CDC42BPA: variants seen among roughly 807,000 people sequenced by gnomAD.
CDC42BPA encodes the protein serine/threonine-protein kinase MRCK alpha.
Under a neutral mutation model 223.5 loss-of-function variants are expected in CDC42BPA, and 80 were observed. The ratio of observed to expected loss-of-function variants is 0.36; its 90% confidence interval spans 0.30 to 0.43. The LOEUF (loss-of-function observed/expected upper bound fraction) is 0.43, where lower values mean the gene tolerates loss of function less well. Ranked by LOEUF, CDC42BPA falls within the 20% of genes least tolerant of loss-of-function variation. The pLI, the probability that CDC42BPA is intolerant of heterozygous loss-of-function variation, is 1.00. For synonymous variants in CDC42BPA, 694 were observed against 718.6 expected, an observed-to-expected ratio of 0.97 and a Z score of 0.55; for missense variants, 1,743 against 2,099.9, an observed-to-expected ratio of 0.83 and a Z score of 3.32.
chr1:227,265,630 TAAA>T (rs77731029), intron 1 of CDC42BPA, among the ~76,000 whole-genome samples: 3 of 133,118 alleles, frequency 2.3e-5, no homozygotes, highest in Admixed American at 1.5e-4. Flanking sequence ...GACTCCGTCT[TAAA>T]AAAAAAAAAA....
chr1:227,106,987 T>C (rs1009090428), intron 14 of CDC42BPA, among the ~76,000 whole-genome samples: 1 of 152,224 alleles, frequency 6.6e-6, no homozygotes, highest in Non-Finnish European at 1.5e-5. Flanking sequence ...TTCTGAAGTA[T>C]GACTCCTCCA....
chr1:227,294,213 A>G (rs1690202864), intron 1 of CDC42BPA, among the ~76,000 whole-genome samples: 1 of 151,904 alleles, frequency 6.6e-6, no homozygotes, highest in South Asian at 2.1e-4. Flanking sequence ...CAGAGCTTGC[A>G]GTGAGCTGAG....
At chr1:227,079,791 T>C (rs557848252) in intron 17 of CDC42BPA, among the ~76,000 whole-genome samples, 42 of 152,070 alleles carry the variant, frequency 2.8e-4, no homozygotes, top group African/African-American at 9.9e-4. Flanking sequence ...TCTATAAATA[T>C]ATGATGAAAC....
rs1267054578 is a variant in CDC42BPA, at chr1:227,023,314, G to A, written c.4564C>T (p.Leu1522Phe). The A allele has an allele frequency of 6.5e-7, 1 of 1,549,444 alleles. No homozygotes were observed. Among genetic ancestry groups the A allele is most frequent in the Admixed American group, 1.8e-5 (1 of 57,044 alleles). ...RPLNNEGSLN[L>F]LGLETIRLIY... is the part of the protein sequence containing the mutation. ...AATCTAATGGTCTCCAACCCTAAAA[G>A]ATTTAATGATCCTTCATTGTTTAAG... The change falls in exon 32 of 37, where the codon CTT (leucine) becomes TTT (phenylalanine). Residue 1522 changes from leucine (L) to phenylalanine (F), a missense_variant. By Grantham distance (22) the Leu-to-Phe change is conservative. Around this residue, in one of 6 missense-constraint regions of CDC42BPA, gnomAD observed 678 missense variants for 777.5 expected, o/e 0.87. Transcript: ENST00000366766.
intron 5 of CDC42BPA, among the ~76,000 whole-genome samples, chr1:227,165,267 G>T (rs1664829056): frequency 6.6e-6 from 1 of 152,020 alleles, no homozygotes; most frequent in African/African-American, 2.4e-5. Context: ...GAAGATGATG[G>T]GTGTCAACAC....
rs932974209 is a variant in CDC42BPA at position 227,004,758 on chromosome 1, A to G, written c.4975+236T>C. Reference sequence around the variant, plus strand: ...AGAGCCTTTATCATCACAATTTGTAATCATATTTGTCTGTCTCCCAGATGG... The same window carrying G: ...AGAGCCTTTATCATCACAATTTGTAGTCATATTTGTCTGTCTCCCAGATGG... On this transcript the variant is annotated intron_variant, in intron 35 of 36. Coordinates refer to ENST00000366766, the MANE Select transcript of CDC42BPA (RefSeq NM_001394014.1). The G allele has an allele frequency of 7.4e-5, 43 of 583,264 alleles. No homozygotes were observed. The African/African-American group carries it at 7.5e-4, about 10-fold the overall frequency. The allele number at this position is 583,264 out of a possible 1,614,324, so 36.1% of individuals were successfully genotyped here. A position where few individuals can be genotyped will look rare whatever the true frequency, so the allele number is the denominator to read the frequency against.
At chr1:227,208,845 T>G (rs1358950349) in intron 3 of CDC42BPA, among the ~76,000 whole-genome samples, 1 of 151,974 alleles carries the variant, frequency 6.6e-6, no homozygotes, top group Non-Finnish European at 1.5e-5. Context: ...GCGGGCTCTT[T>G]TTCGGTTCCA....
chr1:227,062,231 G>T (rs998705634), intron 21 of CDC42BPA, among the ~76,000 whole-genome samples: 2 of 152,026 alleles, frequency 1.3e-5, no homozygotes, highest in African/African-American at 4.8e-5. Flanking sequence ...CCACAATCCC[G>T]TAACTCCCTG....
At chr1:227,033,914 C>G (rs577469379) in intron 26 of CDC42BPA, among the ~76,000 whole-genome samples, 1 of 152,270 alleles carries the variant, frequency 6.6e-6, no homozygotes, top group African/African-American at 2.4e-5. Context: ...ATTCTTTTCC[C>G]TATCTATATT....
rs371803300 is a variant in CDC42BPA, at chr1:227,247,984, T to G, written c.270+6080A>C. On this transcript the variant is annotated intron_variant, in intron 2 of 36. Coordinates refer to ENST00000366766, the MANE Select transcript of CDC42BPA (RefSeq NM_001394014.1). ...TAAAGAATGTATCAGAGTCTCTTAA[T>G]AGCAGAACTGATCAAGCAGAAGCAA... Among the ~76,000 whole-genome samples the G allele has an allele frequency of 5.3e-5, 8 of 152,024 alleles. No homozygotes were observed. The South Asian group carries it at 6.2e-4, about 12-fold the overall frequency.
intron 2 of CDC42BPA, among the ~76,000 whole-genome samples, chr1:227,220,576 G>C (rs1675723246): frequency 6.6e-6 from 1 of 151,764 alleles, no homozygotes; most frequent in South Asian, 2.1e-4. Flanking sequence ...TCCCATTCCT[G>C]TCCTATCTAC....
chr1:227,059,150 T>C (rs1325281513), intron 21 of CDC42BPA, among the ~76,000 whole-genome samples: 1 of 151,754 alleles, frequency 6.6e-6, no homozygotes, highest in Non-Finnish European at 1.5e-5. Context: ...TTGGTTATAG[T>C]GATTTATATG....
chr1:227,174,478 A>G (rs1413764092), intron 5 of CDC42BPA, among the ~76,000 whole-genome samples: 1 of 152,190 alleles, frequency 6.6e-6, no homozygotes, highest in Non-Finnish European at 1.5e-5. Context: ...ATCCTTCATG[A>G]AATTCTTATG....
chr1:227,022,433 CAAAAAA>C (rs561270900), intron 32 of CDC42BPA, among the ~76,000 whole-genome samples: 1 of 141,986 alleles, frequency 7.0e-6, no homozygotes, highest in South Asian at 2.2e-4. Flanking sequence ...ACTCCCGTCT[CAAAAAA>C]AAAAAATTAT....
chr1:227,047,936 A>G lies in CDC42BPA; in HGVS notation c.3084T>C (p.Phe1028=), dbSNP rs1318586327. The G allele has an allele frequency of 5.0e-6, 8 of 1,603,656 alleles. No homozygotes were observed. Among genetic ancestry groups the G allele is most frequent in the Non-Finnish European group, 5.1e-6 (6 of 1,171,188 alleles). The change falls in exon 23 of 37, where the codon TTT becomes TTC. Residue 1028 remains phenylalanine (F), a synonymous_variant. Transcript: ENST00000366766. Reference sequence around the variant, plus strand: ...TAACTAGATTGAGTACCTTAGGTGGAAAGCCAGTTGAACCAGGACATCCTT... The same window carrying G: ...TAACTAGATTGAGTACCTTAGGTGGGAAGCCAGTTGAACCAGGACATCCTT... ...RKKGCPGSTG[F]PPKRKTHQFF... is the part of the protein sequence containing the mutation.
chr1:227,167,905 G>C (rs541760248), intron 5 of CDC42BPA, among the ~76,000 whole-genome samples: 2 of 149,200 alleles, frequency 1.3e-5, no homozygotes, highest in East Asian at 3.9e-4. Context: ...TTACAGTGCA[G>C]GTCTTCTGGC....
intron 34 of CDC42BPA, among the ~76,000 whole-genome samples, chr1:227,006,548 T>C (rs959034042): frequency 6.6e-6 from 1 of 152,204 alleles, no homozygotes; most frequent in African/African-American, 2.4e-5. Context: ...TGTAGCCCAG[T>C]CCCACTATGT....
rs1213013739 is a variant in CDC42BPA, at chr1:227,132,469, C to T, written c.1391-3238G>A. On this transcript the variant is annotated intron_variant, in intron 10 of 36. Transcript: ENST00000366766. ...CCAGGCTGGAGTGCAGTGGCGTGAT[C>T]TCGGCTCGCTACAACATCTACCTCC... Among the ~76,000 whole-genome samples, 3 of 138,400 alleles carry T rather than the reference C, an allele frequency of 2.2e-5. 1 individual carries two copies. The highest frequency in any genetic ancestry group is 4.8e-5 in the Non-Finnish European group (3 of 63,144). The allele number at this position is 138,400 out of a possible 152,430, so 90.8% of individuals were successfully genotyped here. A position where few individuals can be genotyped will look rare whatever the true frequency, so the allele number is the denominator to read the frequency against.
In CDC42BPA at chr1:227,258,122, C is replaced by CT. The variant is rs1329821930; in HGVS notation, c.179-3968dup. 4.2e-5 allele frequency among the ~76,000 whole-genome samples: 6 copies of CT among 144,476 alleles called. 1 individual carries two copies. The highest frequency in any genetic ancestry group is 1.6e-4 in the African/African-American group (6 of 37,352). 94.8% of individuals were successfully genotyped at this position (144,476 alleles called of 152,430 possible). The stretch of plus-strand genomic sequence containing the variant: ...CCCAGGAGATGAAGGCTGCAGTAAG[C>CT]TTAGAGGGCGCCACTACACTCCAGC... On this transcript the variant is annotated intron_variant, in intron 1 of 36. Coordinates refer to ENST00000366766, the MANE Select transcript of CDC42BPA (RefSeq NM_001394014.1).
Sources: allele counts gnomAD v4.1 joint callset (sites outside exome capture counted in the v4.1 genomes callset), GRCh38; gene constraint gnomAD v4.1.1; regional missense constraint gnomAD v4.1.1; transcripts MANE v1.5; gene names NCBI Gene and HGNC (gene_info 2026-07-23, HGNC 2026-07-21).